The following CADM2 variants were observed in gnomAD, a reference collection of about 807,000 sequenced individuals.
CADM2 encodes the protein immunoglobulin superfamily member 4D.
A neutral mutation model predicts 49.8 loss-of-function variants in CADM2; 12 were observed. The ratio of observed to expected loss-of-function variants is 0.24; its 90% CI spans 0.15 to 0.39. The LOEUF is 0.39. Among genes scored for constraint, CADM2 ranks in the 10% least tolerant of loss-of-function variants. The probability of loss-of-function intolerance (pLI) is 1.00; values close to 1 mark genes in which losing one functional copy is unlikely to be tolerated. For synonymous variants in CADM2, 214 were observed against 175.4 expected (o/e 1.22, Z -1.74); for missense variants, 378 against 492.3 (o/e 0.77, Z 2.20).
At chr3:85,472,038 T>C (rs1299571959) in intron 1 of CADM2, among the ~76,000 whole-genome samples, 2 of 151,878 alleles carry the variant, frequency 1.3e-5, no homozygotes, top group Non-Finnish European at 2.9e-5. Context: ...AACCTTGAAA[T>C]ATAACTTGAT....
chr3:85,065,302 T>C (rs4856265), intron 1 of CADM2, among the ~76,000 whole-genome samples: 10 of 152,174 alleles, frequency 6.6e-5, no homozygotes, highest in Admixed American at 1.3e-4. Context: ...TTTTCTATTA[T>C]GAATCAGACT....
intron 1 of CADM2, among the ~76,000 whole-genome samples, chr3:85,045,865 A>C (rs573137586): frequency 1.3e-5 from 2 of 152,120 alleles, no homozygotes; most frequent in African/African-American, 4.8e-5. Flanking sequence ...TAAAAAACAC[A>C]TTCCATATTC....
At chr3:84,999,873 C>T (rs1344455671) in intron 1 of CADM2, among the ~76,000 whole-genome samples, 1 of 152,110 alleles carries the variant, frequency 6.6e-6, no homozygotes, top group African/African-American at 2.4e-5. Flanking sequence ...TATAAGACCA[C>T]TCTATGGAGG....
chr3:84,995,726 T>C (rs996719971), intron 1 of CADM2, among the ~76,000 whole-genome samples: 1 of 152,216 alleles, frequency 6.6e-6, no homozygotes, highest in Non-Finnish European at 1.5e-5. Context: ...ATTCTATTTA[T>C]TTCCATGATT....
intron 1 of CADM2, among the ~76,000 whole-genome samples, chr3:85,678,589 T>C (rs2065949306): frequency 6.6e-6 from 1 of 152,206 alleles, no homozygotes; most frequent in African/African-American, 2.4e-5. Flanking sequence ...TCATGGCCAA[T>C]AGTTCATTTC....
intron 1 of CADM2, among the ~76,000 whole-genome samples, chr3:85,075,965 CAA>C (rs1418651599): frequency 6.6e-6 from 1 of 150,710 alleles, no homozygotes; most frequent in Non-Finnish European, 1.5e-5. Flanking sequence ...ATAATAGTGA[CAA>C]TGCTTACCAG....
chr3:85,149,110 A>T (rs61685551), intron 1 of CADM2, among the ~76,000 whole-genome samples: 9,193 of 149,774 alleles, frequency 0.061, 793 homozygotes, highest in African/African-American at 0.2. Flanking sequence ...TTTTTTTTTT[A>T]AAAAAATCAA....
chr3:85,877,220 T>A (rs971989995), intron 3 of CADM2, among the ~76,000 whole-genome samples: 1 of 152,172 alleles, frequency 6.6e-6, no homozygotes, highest in Non-Finnish European at 1.5e-5. Context: ...GATATGTGAA[T>A]AACACCCTTT....
At chr3:85,337,043 A>AT (rs1491539613) in intron 1 of CADM2, among the ~76,000 whole-genome samples, 13 of 141,236 alleles carry the variant, frequency 9.2e-5, no homozygotes, top group East Asian at 4.0e-4. Flanking sequence ...ATATATATAT[A>AT]AATATATATA....
chr3:85,982,892 A>G (rs1727650218), intron 8 of CADM2, among the ~76,000 whole-genome samples: 1 of 151,768 alleles, frequency 6.6e-6, no homozygotes, highest in South Asian at 2.1e-4. Context: ...TGGTTTACTT[A>G]TTTCATTCCT....
At chr3:85,788,320 CAT>C (rs1377789049) in intron 2 of CADM2, among the ~76,000 whole-genome samples, 3 of 152,224 alleles carry the variant, frequency 2.0e-5, no homozygotes, top group African/African-American at 7.2e-5. Context: ...TATTAAGTGA[CAT>C]ATGCATATGT....
At chr3:85,984,184 A>G (rs1727809289) in intron 8 of CADM2, among the ~76,000 whole-genome samples, 1 of 150,468 alleles carries the variant, frequency 6.6e-6, no homozygotes, top group South Asian at 2.1e-4. Context: ...ATATGTACAC[A>G]TATATTATGT....
chr3:86,047,040 C>G (rs150789578), intron 8 of CADM2, among the ~76,000 whole-genome samples: 1 of 151,960 alleles, frequency 6.6e-6, no homozygotes, highest in East Asian at 1.9e-4. Context: ...TTTGCAATCC[C>G]TTTAGATGTA....
At chr3:85,507,720 C>T (rs1375044058) in intron 1 of CADM2, among the ~76,000 whole-genome samples, 1 of 152,102 alleles carries the variant, frequency 6.6e-6, no homozygotes, top group Non-Finnish European at 1.5e-5. Flanking sequence ...AACTTTTGTG[C>T]TCCTCAGCAA....
At chr3:85,103,710 AG>A (rs1242421948) in intron 1 of CADM2, among the ~76,000 whole-genome samples, 1 of 152,130 alleles carries the variant, frequency 6.6e-6, no homozygotes, top group Non-Finnish European at 1.5e-5. Context: ...ACATCTGGCA[AG>A]GGGGGAGGCA....
chr3:85,777,400 C>T (rs2107978360), intron 2 of CADM2, among the ~76,000 whole-genome samples: 1 of 152,058 alleles, frequency 6.6e-6, no homozygotes, highest in African/African-American at 2.4e-5. Context: ...GAACTACAGG[C>T]ACATGCCACC....
chr3:85,443,202 C>T (rs1335853492), intron 1 of CADM2, among the ~76,000 whole-genome samples: 5 of 152,002 alleles, frequency 3.3e-5, no homozygotes, highest in Admixed American at 6.6e-5. Context: ...TATATTGTTT[C>T]TTTTAATTAA....
chr3:85,552,991 T>A (rs2061851966), intron 1 of CADM2, among the ~76,000 whole-genome samples: 1 of 152,158 alleles, frequency 6.6e-6, no homozygotes, highest in Admixed American at 6.6e-5. Flanking sequence ...AGTTTATTTT[T>A]TAAAAATATT....
intron 1 of CADM2, among the ~76,000 whole-genome samples, chr3:85,453,944 A>G (rs1483942950): frequency 2.6e-5 from 4 of 152,216 alleles, no homozygotes; most frequent in East Asian, 1.9e-4. Flanking sequence ...AATATTTTAC[A>G]TGGTAAAAAC....
Sources: allele counts gnomAD v4.1 joint callset (sites outside exome capture counted in the v4.1 genomes callset), GRCh38; gene constraint gnomAD v4.1.1; transcripts MANE v1.5; gene names NCBI Gene and HGNC (gene_info 2026-07-23, HGNC 2026-07-21).